The following SLC29A4 variants were observed in gnomAD, a reference collection of about 807,000 sequenced individuals.
SLC29A4 encodes solute carrier family 29 member 4, also known as equilibrative nucleoside transporter 4.
Under a neutral mutation model 43.9 loss-of-function variants are expected in SLC29A4, and 36 were observed. The ratio of observed to expected loss-of-function variants is 0.82; its 90% CI spans 0.63 to 1.08. The LOEUF is 1.08. Ranked by LOEUF, SLC29A4 falls within the 50% of genes least tolerant of loss-of-function variation. The probability of loss-of-function intolerance (pLI) is 0.00; values close to 1 mark genes in which losing one functional copy is unlikely to be tolerated. For synonymous variants in SLC29A4, 491 were observed against 338.0 expected (o/e 1.45, Z -4.97); for missense variants, 869 against 755.3 (o/e 1.15, Z -1.77).
rs1785772280 is a variant in SLC29A4, at chr7:5,297,254, C to CT, written c.882+56_882+57insT. On this transcript the variant is annotated intron_variant, in intron 7 of 10. Coordinates refer to ENST00000396872, the MANE Select transcript of SLC29A4 (RefSeq NM_153247.4). Reference sequence around the variant, plus strand: ...TCTCTGTCCCCTTCTCTGTCCCCACCGCTTCGTCGGGAAGTACCTGGGGCC... The same window carrying CT: ...TCTCTGTCCCCTTCTCTGTCCCCACCTGCTTCGTCGGGAAGTACCTGGGGCC... 5 of 1,488,578 alleles carry CT rather than the reference C, an allele frequency of 3.4e-6. No individual in the cohort carries two copies. The East Asian group carries it at 1.2e-4, about 35-fold the overall frequency. 92.2% of individuals were successfully genotyped at this position (1,488,578 alleles called of 1,614,324 possible). A position where few individuals can be genotyped will look rare whatever the true frequency, so the allele number is the denominator to read the frequency against.
chr7:5,298,901 G>T, intron 7 of SLC29A4, 87 bp from the exon 8 acceptor site: 1 of 1,474,242 alleles, frequency 6.8e-7, no homozygotes, highest in Non-Finnish European at 9.1e-7. Context: ...GCCCCAGTGC[G>T]GCTCTTCTGA....
Position 5,300,627 on chromosome 7 carries a change from C to T in SLC29A4, c.1415C>T (p.Ala472Val). The T allele has an allele frequency of 3.7e-6, 6 of 1,609,810 alleles. No individual in the cohort carries two copies. The highest frequency in any genetic ancestry group is 5.1e-6 in the Non-Finnish European group (6 of 1,178,646). ...YFGSVPMILA[A>V]GKVSPKQREL... ...GGCAGCGTGCCCATGATCCTGGCGGCAGGCAAAGTGAGCCCCAAGCAGCGG... is the reference window on the plus strand; with the variant it reads ...GGCAGCGTGCCCATGATCCTGGCGGTAGGCAAAGTGAGCCCCAAGCAGCGG... The change falls in exon 10 of 11, where the codon GCA (alanine) becomes GTA (valine). Residue 472 changes from alanine (A) to valine (V), a missense_variant. Coordinates refer to ENST00000396872, the MANE Select transcript of SLC29A4 (RefSeq NM_153247.4).
At chr7:5,299,206 GCGCTGCCTCTGA>G in intron 8 of SLC29A4, 22 bp from the exon 9 acceptor site, 1 of 1,600,640 alleles carries the variant, frequency 6.2e-7, no homozygotes, top group Non-Finnish European at 8.5e-7. Flanking sequence ...GTCCCCGTGG[GCGCTGCCTCTGA>G]CCCCCGCCCG....
At position 5,304,695 on chromosome 7, in the gene SLC29A4, G is replaced by C. The variant is rs1358169442; in HGVS notation, c.*1756G>C. 2.0e-5 allele frequency: 3 copies of C among 151,948 alleles called. No individual in the cohort carries two copies. Among genetic ancestry groups the C allele is most frequent in the African/African-American group, 7.3e-5 (3 of 41,358 alleles). The allele number at this position is 151,948 out of a possible 1,614,324, so 9.4% of individuals were successfully genotyped here. A position where few individuals can be genotyped will look rare whatever the true frequency, so the allele number is the denominator to read the frequency against. The stretch of plus-strand genomic sequence containing the variant: ...TGGCTAATTTGTCTTGTGGAGACCG[G>C]GTTTCACCATGTTGGCCATGCTGGT... On this transcript the variant is annotated 3_prime_UTR_variant, in exon 11 of 11. Transcript: ENST00000396872.
At position 5,297,084 on chromosome 7, in the gene SLC29A4, C is replaced by T. The variant is rs1330331244; in HGVS notation, c.768C>T (p.Arg256=). 1.9e-6 allele frequency: 3 copies of T among 1,607,894 alleles called. No individual in the cohort carries two copies. In the East Asian group the frequency reaches 6.7e-5, roughly 36 times the overall value. ...FLLHLLVRRS[R]FVLFYTTRPR... is the part of the protein sequence containing the mutation. ...TGCACCTGTTAGTGCGGCGCAGCCG[C>T]TTCGTGCTCTTCTATACCACACGGC... The change falls in exon 7 of 11, where the codon CGC becomes CGT. Residue 256 remains arginine, a synonymous_variant. Coordinates refer to ENST00000396872, the MANE Select transcript of SLC29A4 (RefSeq NM_153247.4).
intron 2 of SLC29A4, among the ~76,000 whole-genome samples, chr7:5,289,327 G>C (rs1030884225): frequency 4.6e-5 from 7 of 152,290 alleles, no homozygotes; most frequent in South Asian, 2.1e-4. Flanking sequence ...AGCCCAGGAG[G>C]GGGTGGTCGT....
At position 5,303,137 on chromosome 7, in the gene SLC29A4, T is replaced by A. The variant is rs1786290386; in HGVS notation, c.*198T>A. Reference sequence around the variant, plus strand: ...AAGTCCTCCGAGGACCGGAACACGTTTCTGCGACCCGGGGCTCTGGCCAGC... The same window carrying A: ...AAGTCCTCCGAGGACCGGAACACGTATCTGCGACCCGGGGCTCTGGCCAGC... On this transcript the variant is annotated 3_prime_UTR_variant, in exon 11 of 11. Transcript: ENST00000396872. 1.5e-6 allele frequency: 1 copy of A among 653,688 alleles called. No individual in the cohort carries two copies. Among genetic ancestry groups the A allele is most frequent in the Admixed American group, 3.0e-5 (1 of 33,814 alleles). The allele number at this position is 653,688 out of a possible 1,614,324, so 40.5% of individuals were successfully genotyped here.
chr7:5,283,486 C>T (rs72575362), intron 1 of SLC29A4, among the ~76,000 whole-genome samples: 8,961 of 152,200 alleles, frequency 0.059, 430 homozygotes, highest in East Asian at 0.27. Flanking sequence ...CACCTCGGGA[C>T]GGCCCAGGGG....
rs1785250249 is a variant in SLC29A4, at chr7:5,290,731, G to C, written c.170-1G>C. The stretch of plus-strand genomic sequence containing the variant: ...GTCTCACCTGGTGTCTCTGGCTTTA[G>C]CATTGGACGAGCCAGTGCCCGATGA... On this transcript the variant is annotated splice_acceptor_variant, in intron 2 of 10. Transcript: ENST00000396872. LOFTEE classifies it high-confidence loss of function. 6 of 1,607,906 alleles carry C rather than the reference G, an allele frequency of 3.7e-6. No homozygotes were observed. The highest frequency in any genetic ancestry group is 1.3e-5 in the African/African-American group (1 of 74,856).
At chr7:5,299,771 C>T (rs1583679098) in intron 9 of SLC29A4, among the ~76,000 whole-genome samples, 1 of 152,336 alleles carries the variant, frequency 6.6e-6, no homozygotes, top group South Asian at 2.1e-4. Context: ...AAAGAAATGG[C>T]CAGGTGCAGT....
At chr7:5,294,720 C>G (rs1181592822) in intron 5 of SLC29A4, 140 bp from the exon 6 acceptor site, 3 of 826,016 alleles carry the variant, frequency 3.6e-6, no homozygotes, top group Non-Finnish European at 6.2e-6. Flanking sequence ...CCTACTGCTG[C>G]GTGTCAAATC....
chr7:5,290,836 G>A lies in SLC29A4; in HGVS notation c.274G>A (p.Val92Met), dbSNP rs1227734764. Residue 92 changes from valine (V) to methionine (M), a missense_variant, in exon 3 of 11, where the codon GTG becomes ATG. Physicochemically the swap from Val to Met is conservative, Grantham distance 21. Transcript: ENST00000396872. Reference protein sequence around the residue: ...LLPYNSFITDVDYLHHKYPGT... With the variant: ...LLPYNSFITDMDYLHHKYPGT... Reference sequence around the variant, plus strand: ...GCCATACAACAGCTTCATCACGGACGTGGACTACCTGCATCACAAGTACCC... The same window carrying A: ...GCCATACAACAGCTTCATCACGGACATGGACTACCTGCATCACAAGTACCC... 2.5e-6 allele frequency: 4 copies of A among 1,613,474 alleles called. No individual in the cohort carries two copies. Among genetic ancestry groups the A allele is most frequent in the South Asian group, 1.1e-5 (1 of 91,058 alleles).
intron 5 of SLC29A4, among the ~76,000 whole-genome samples, chr7:5,294,075 C>T (rs1027536195): frequency 1.3e-5 from 2 of 151,546 alleles, no homozygotes; most frequent in African/African-American, 2.4e-5. Context: ...CACTGCACTC[C>T]AGCCCAGACG....
rs184773210 is a variant in SLC29A4, at chr7:5,291,604, C to T, written c.416-89C>T. 27 of 1,493,300 alleles carry T rather than the reference C, an allele frequency of 1.8e-5. No homozygotes were observed. In the Admixed American group the frequency reaches 3.9e-4, roughly 22 times the overall value. The allele number at this position is 1,493,300 out of a possible 1,614,324, so 92.5% of individuals were successfully genotyped here. Reference sequence around the variant, plus strand: ...CTTAAAGGGGAAGGGCAGAGAAAGCCTCAGAGCGACTCTGCAGGAGGGGCG... The same window carrying T: ...CTTAAAGGGGAAGGGCAGAGAAAGCTTCAGAGCGACTCTGCAGGAGGGGCG... On this transcript the variant is annotated intron_variant, in intron 4 of 10. Coordinates refer to ENST00000396872, the MANE Select transcript of SLC29A4 (RefSeq NM_153247.4).
At chr7:5,298,737 C>T (rs1785896070) in intron 7 of SLC29A4, among the ~76,000 whole-genome samples, 1 of 152,156 alleles carries the variant, frequency 6.6e-6, no homozygotes, top group Non-Finnish European at 1.5e-5. Flanking sequence ...GAAGTTGAGG[C>T]TGCAGTGAGC....
intron 2 of SLC29A4, among the ~76,000 whole-genome samples, chr7:5,289,482 C>G (rs997414906): frequency 5.3e-5 from 8 of 152,244 alleles, no homozygotes; most frequent in African/African-American, 1.9e-4. Context: ...AGTCTGGAAC[C>G]CACGGGCAGG....
At position 5,302,998 on chromosome 7, in the gene SLC29A4, G is replaced by C. The variant is rs1247304113; in HGVS notation, c.*59G>C. ...CCTGACCAGGGGCCCCGAGGCCTGA[G>C]GGCCCCTCCCCTGTCCCCACCTCAG... On this transcript the variant is annotated 3_prime_UTR_variant, in exon 11 of 11. Coordinates refer to ENST00000396872, the MANE Select transcript of SLC29A4 (RefSeq NM_153247.4). 71 of 1,558,256 alleles carry C rather than the reference G, an allele frequency of 4.6e-5. No homozygotes were observed. The highest frequency in any genetic ancestry group is 4.5e-5 in the Non-Finnish European group (52 of 1,154,534).
In SLC29A4 at chr7:5,299,073, T is replaced by C; in HGVS notation, c.968T>C (p.Met323Thr). Residue 323 changes from methionine (M) to threonine (T), a missense_variant, in exon 8 of 11, where the codon ATG becomes ACG. Coordinates refer to ENST00000396872, the MANE Select transcript of SLC29A4 (RefSeq NM_153247.4). ...HEVTGSGGAY[M>T]RFDVPRPRVQ... The stretch of plus-strand genomic sequence containing the variant: ...GTGACCGGCAGCGGCGGGGCCTACA[T>C]GCGCTTTGATGTGCCGCGGCCAAGG... The C allele has an allele frequency of 6.2e-7, 1 of 1,611,034 alleles. No individual in the cohort carries two copies. Among genetic ancestry groups the C allele is most frequent in the East Asian group, 2.2e-5 (1 of 44,828 alleles).
At chr7:5,288,086 A>G in intron 2 of SLC29A4, 101 bp downstream of exon 2, 4 of 1,420,422 alleles carry the variant, frequency 2.8e-6, no homozygotes, top group East Asian at 2.4e-5. Context: ...ATGGGTGGTC[A>G]TGGAGGACTG....
Sources: gnomAD v4.1 joint callset for allele counts (sites outside exome capture counted in the v4.1 genomes callset) on GRCh38, gnomAD v4.1.1 for gene constraint, MANE v1.5 for transcripts, NCBI Gene and HGNC (gene_info 2026-07-23, HGNC 2026-07-21) for gene names.